EPAS1: variants seen among roughly 807,000 people sequenced by gnomAD.
EPAS1 encodes endothelial PAS domain-containing protein 1.
EPAS1 carries 23 observed loss-of-function variants against 87.9 expected under a neutral mutation model. That is an observed-to-expected ratio of 0.26 (90% CI 0.19 to 0.37). The LOEUF is 0.37. Among genes scored for constraint, EPAS1 ranks in the 10% least tolerant of loss-of-function variants. The probability of loss-of-function intolerance (pLI) is 1.00; values close to 1 mark genes in which losing one functional copy is unlikely to be tolerated. For synonymous variants in EPAS1, 508 were observed against 444.3 expected, an observed-to-expected ratio of 1.14 and a Z score of -1.80; for missense variants, 1,138 against 1,120.7, an observed-to-expected ratio of 1.02 and a Z score of -0.22.
intron 1 of EPAS1, among the ~76,000 whole-genome samples, chr2:46,320,730 G>T (rs539478743): frequency 6.6e-6 from 1 of 152,182 alleles, no homozygotes; most frequent in African/African-American, 2.4e-5. Flanking sequence ...TTTAAGCAGG[G>T]AGAGGTTTTG....
chr2:46,374,381 T>A (rs555737376), intron 7 of EPAS1, among the ~76,000 whole-genome samples: 3 of 152,276 alleles, frequency 2.0e-5, no homozygotes, highest in South Asian at 4.2e-4. Flanking sequence ...TGTATTAGTA[T>A]CTCTAAGAAA....
chr2:46,333,492 T>TAACA (rs1683728368), intron 1 of EPAS1, among the ~76,000 whole-genome samples: 1 of 152,008 alleles, frequency 6.6e-6, no homozygotes, highest in Non-Finnish European at 1.5e-5. Flanking sequence ...AGGCCTATGT[T>TAACA]GGCTCTCAAA....
At chr2:46,329,708 G>A (rs1683637491) in intron 1 of EPAS1, among the ~76,000 whole-genome samples, 1 of 152,118 alleles carries the variant, frequency 6.6e-6, no homozygotes, top group Non-Finnish European at 1.5e-5. Context: ...TGTAATCCCA[G>A]CTACTTGGGA....
rs763214428 is a variant in EPAS1 at position 46,346,831 on chromosome 2, G to A, written c.27-42G>A. ...GTCCTGGCCAGAGGTATGATAGGCT[G>A]ACAGTAACCTTTCCGGGACTAACCC... is the stretch of plus-strand genomic sequence containing the variant. On this transcript the variant is annotated intron_variant, in intron 1 of 15. Transcript: ENST00000263734. This position sits in a 1 kb window ranked among gnomAD's most constrained non-coding sequence, Gnocchi z 4.0. 1.4e-5 allele frequency: 22 copies of A among 1,610,260 alleles called. No homozygotes were observed. In the East Asian group the frequency reaches 4.9e-4, roughly 36 times the overall value.
Position 46,381,140 on chromosome 2 carries a change from C to A in EPAS1, c.2045+423C>A, listed in dbSNP as rs552400931. ...GCCACTGCAGCCTCTCCCAGCTGTG[C>A]CTAGGCTCCAGAAATGCCTTCCCAT... On this transcript the variant is annotated intron_variant, in intron 12 of 15. Transcript: ENST00000263734. 711 of 350,300 alleles carry A rather than the reference C, an allele frequency of 2.0e-3. 1 individual carries two copies. Among genetic ancestry groups the A allele is most frequent in the Non-Finnish European group, 3.4e-3 (631 of 183,322 alleles). The allele number at this position is 350,300 out of a possible 1,614,324, so 21.7% of individuals were successfully genotyped here.
intron 6 of EPAS1, among the ~76,000 whole-genome samples, chr2:46,368,468 C>T (rs1422665010): frequency 6.6e-5 from 10 of 152,198 alleles, no homozygotes; most frequent in Admixed American, 1.3e-4. Flanking sequence ...TTGGAAGTTA[C>T]GCAGCATTTA....
chr2:46,357,136 T>C (rs1465850224), intron 4 of EPAS1, among the ~76,000 whole-genome samples: 1 of 152,206 alleles, frequency 6.6e-6, no homozygotes, highest in Admixed American at 6.5e-5. Flanking sequence ...AATGAGGAAC[T>C]AGTCTGTGCC....
chr2:46,308,943 C>T (rs563005183), intron 1 of EPAS1, among the ~76,000 whole-genome samples: 1 of 152,336 alleles, frequency 6.6e-6, no homozygotes, highest in Admixed American at 6.5e-5. Flanking sequence ...GATGCTTTTA[C>T]AACTTGCTTT....
At chr2:46,325,585 C>G (rs1035925383) in intron 1 of EPAS1, among the ~76,000 whole-genome samples, 6 of 152,190 alleles carry the variant, frequency 3.9e-5, no homozygotes, top group Non-Finnish European at 7.3e-5. Context: ...AGCTAGTCAA[C>G]CTTTCCATTG....
At position 46,346,708 on chromosome 2, in the gene EPAS1, A is replaced by G. The variant is rs914605649; in HGVS notation, c.27-165A>G. On this transcript the variant is annotated intron_variant, in intron 1 of 15. Coordinates refer to ENST00000263734, the MANE Select transcript of EPAS1 (RefSeq NM_001430.5). This position sits in a 1 kb window ranked among gnomAD's most constrained non-coding sequence, Gnocchi z 4.0. ...CAACACACACAAAAGCAGAGCTAAC[A>G]ATACAAAGCAGGTTGTGTGTGGCTC... Among the ~76,000 whole-genome samples, 1 of 152,234 alleles carries G rather than the reference A, an allele frequency of 6.6e-6. No homozygotes were observed. The highest frequency in any genetic ancestry group is 1.5e-5 in the Non-Finnish European group (1 of 68,042).
intron 1 of EPAS1, among the ~76,000 whole-genome samples, chr2:46,326,189 C>G (rs1216006443): frequency 6.6e-6 from 1 of 152,198 alleles, no homozygotes; most frequent in East Asian, 1.9e-4. Context: ...TTGTTGCTGA[C>G]TCTCCCACCA....
At chr2:46,302,440 T>C (rs1041588098) in intron 1 of EPAS1, among the ~76,000 whole-genome samples, 3 of 152,096 alleles carry the variant, frequency 2.0e-5, no homozygotes, top group African/African-American at 7.2e-5. Flanking sequence ...TCCCTTTTGC[T>C]TTCAGTACTA....
At chr2:46,369,582 G>A (rs1420902026) in intron 6 of EPAS1, among the ~76,000 whole-genome samples, 1 of 152,174 alleles carries the variant, frequency 6.6e-6, no homozygotes, top group Non-Finnish European at 1.5e-5. Context: ...CTCAGAACTG[G>A]TGCTTTTCTC....
intron 1 of EPAS1, among the ~76,000 whole-genome samples, chr2:46,301,508 T>C (rs1682996719): frequency 6.8e-6 from 1 of 147,068 alleles, no homozygotes; most frequent in African/African-American, 2.5e-5. Context: ...ACCCGGGAGG[T>C]AGAGGCTGCA....
Position 46,297,945 on chromosome 2 carries a change from G to A in EPAS1, c.26+8G>A, listed in dbSNP as rs750007571. 2.5e-5 allele frequency: 41 copies of A among 1,612,114 alleles called. No individual in the cohort carries two copies. The highest frequency in any genetic ancestry group is 5.3e-5 in the African/African-American group (4 of 74,846). On this transcript the variant is annotated splice_region_variant and intron_variant, in intron 1 of 15. Coordinates refer to ENST00000263734, the MANE Select transcript of EPAS1 (RefSeq NM_001430.5). ...TGACAAGGAGAAGAAAAGGTAAGCGGGCGTCCGGGCCGATCAGGGGGCCGG... is the reference window on the plus strand; with the variant it reads ...TGACAAGGAGAAGAAAAGGTAAGCGAGCGTCCGGGCCGATCAGGGGGCCGG...
chr2:46,332,291 CGTGTGTGTGTGTGTGTGTGT>C (rs57893491), intron 1 of EPAS1, among the ~76,000 whole-genome samples: 34 of 110,818 alleles, frequency 3.1e-4, no homozygotes, highest in East Asian at 6.8e-4. Context: ...AAAAAAAATA[CGTGTGTGTGTGTGTGTGTGT>C]GTGTGTGTGT....
chr2:46,351,187 C>A (rs566109348), intron 2 of EPAS1, among the ~76,000 whole-genome samples: 1 of 152,160 alleles, frequency 6.6e-6, no homozygotes, highest in Non-Finnish European at 1.5e-5. Context: ...TGGGTGAGAA[C>A]AGCTAATATA....
At position 46,382,405 on chromosome 2, in the gene EPAS1, C is replaced by T; in HGVS notation, c.2288-20C>T. 1 of 1,614,080 alleles carries T rather than the reference C, an allele frequency of 6.2e-7. No individual in the cohort carries two copies. Among genetic ancestry groups the T allele is most frequent in the Non-Finnish European group, 8.5e-7 (1 of 1,180,020 alleles). The stretch of plus-strand genomic sequence containing the variant: ...CCCTCAGGCCAATGCTACCGTCACT[C>T]TCTGACTTTGGTCTTTCAGATAAGT... On this transcript the variant is annotated intron_variant, in intron 14 of 15. Coordinates refer to ENST00000263734, the MANE Select transcript of EPAS1 (RefSeq NM_001430.5).
chr2:46,367,649 A>C (rs772577939), intron 6 of EPAS1, among the ~76,000 whole-genome samples: 12 of 152,244 alleles, frequency 7.9e-5, no homozygotes, highest in South Asian at 2.1e-4. Flanking sequence ...GCGACGGGAC[A>C]GATCCTTCTG....
Sources: allele counts gnomAD v4.1 joint callset (sites outside exome capture counted in the v4.1 genomes callset), GRCh38; gene constraint gnomAD v4.1.1; non-coding constraint Gnocchi (gnomAD v3.1); transcripts MANE v1.5; gene names NCBI Gene and HGNC (gene_info 2026-07-23, HGNC 2026-07-21).